The following MYO7A variants were observed in gnomAD, a reference collection of about 807,000 sequenced individuals.
MYO7A encodes myosin VIIA, also known as unconventional myosin-VIIa.
MYO7A carries 210 observed loss-of-function variants against 263.8 expected under a neutral mutation model. That is an observed-to-expected ratio of 0.80 (90% CI 0.71 to 0.89). The LOEUF is 0.89. MYO7A is among the 40% of genes least tolerant of loss of function. MYO7A has a pLI of 0.00. For synonymous variants in MYO7A, 1,239 were observed against 1,197.3 expected, an observed-to-expected ratio of 1.03 and a Z score of -0.72; for missense variants, 2,820 against 2,968.3, an observed-to-expected ratio of 0.95 and a Z score of 1.16.
At position 77,208,832 on chromosome 11, in the gene MYO7A, C is replaced by T. The variant is rs200763257; in HGVS notation, c.6051+29C>T. On this transcript the variant is annotated intron_variant, in intron 44 of 48. Transcript: ENST00000409709. ...GGCACCTCTGCACTCTAGTTGCCTT[C>T]GTGCACAGCTAGCGTTGCTGTACTT... 106 of 1,476,036 alleles carry T rather than the reference C, an allele frequency of 7.2e-5. No individual in the cohort carries two copies. The Middle Eastern group carries it at 1.7e-3, about 24-fold the overall frequency. The allele number at this position is 1,476,036 out of a possible 1,614,324, so 91.4% of individuals were successfully genotyped here. A position where few individuals can be genotyped will look rare whatever the true frequency, so the allele number is the denominator to read the frequency against.
intron 35 of MYO7A, 33 bp from the exon 36 acceptor site, chr11:77,201,415 G>T: frequency 6.3e-7 from 1 of 1,593,884 alleles, no homozygotes; most frequent in Non-Finnish European, 8.6e-7. Context: ...GCCTGTCTCT[G>T]CCCCCATGGT....
chr11:77,211,111 C>T (rs1325345780), intron 44 of MYO7A, 41 bp from the exon 45 acceptor site: 2 of 1,495,024 alleles, frequency 1.3e-6, no homozygotes, highest in Non-Finnish European at 1.8e-6. Context: ...CCCACTTCTG[C>T]CAGGTCCCTG....
In MYO7A at chr11:77,130,662, C is replaced by T. The variant is rs1591165083; in HGVS notation, c.18+10C>T. 6.2e-7 allele frequency: 1 copy of T among 1,613,004 alleles called. No individual in the cohort carries two copies. Among genetic ancestry groups the T allele is most frequent in the East Asian group, 2.2e-5 (1 of 44,858 alleles). On this transcript the variant is annotated intron_variant, in intron 2 of 48. Coordinates refer to ENST00000409709, the MANE Select transcript of MYO7A (RefSeq NM_000260.4). ...GGTGATTCTTCAGCAGGTCAGTGTT[C>T]CCACCTCTTTGGGTGGCCTGTCCTC...
chr11:77,203,497 A>G (rs1957220687), intron 38 of MYO7A, among the ~76,000 whole-genome samples: 1 of 152,182 alleles, frequency 6.6e-6, no homozygotes, highest in East Asian at 1.9e-4. Context: ...ATGGGACCAT[A>G]CACACATCCA....
chr11:77,192,864 GAT>G (rs1956204086), intron 31 of MYO7A, among the ~76,000 whole-genome samples: 1 of 152,180 alleles, frequency 6.6e-6, no homozygotes, highest in Non-Finnish European at 1.5e-5. Context: ...TGTTGGTAAT[GAT>G]GATGGTGGTG....
At chr11:77,145,053 C>T (rs1308956893) in intron 3 of MYO7A, among the ~76,000 whole-genome samples, 1 of 152,174 alleles carries the variant, frequency 6.6e-6, no homozygotes, top group African/African-American at 2.4e-5. Context: ...GGGTGCTGGC[C>T]TCTGTTGGGA....
At chr11:77,183,627 GGT>G (rs1565418136) in intron 26 of MYO7A, among the ~76,000 whole-genome samples, 1 of 152,176 alleles carries the variant, frequency 6.6e-6, no homozygotes, top group Admixed American at 6.5e-5. Flanking sequence ...TGTCCAGGCT[GGT>G]GTGTGTGTGG....
intron 3 of MYO7A, among the ~76,000 whole-genome samples, chr11:77,144,175 A>G (rs1356436986): frequency 2.6e-5 from 4 of 152,212 alleles, no homozygotes; most frequent in African/African-American, 9.7e-5. Context: ...AGATTCTGCT[A>G]ATCACATTTT....
chr11:77,181,204 G>C (rs1555083884), intron 22 of MYO7A, among the ~76,000 whole-genome samples, 176 bp from the exon 23 acceptor site: 1 of 152,222 alleles, frequency 6.6e-6, no homozygotes, highest in Non-Finnish European at 1.5e-5. Flanking sequence ...TTGGCTTGTT[G>C]AGAGGCCTCT....
chr11:77,175,027 T>A, intron 17 of MYO7A, 113 bp downstream of exon 17: 2 of 1,350,630 alleles, frequency 1.5e-6, no homozygotes, highest in Non-Finnish European at 2.0e-6. Flanking sequence ...GCTTGACCTC[T>A]CAGGTGCAGC....
Position 77,156,966 on chromosome 11 carries a change from G to A in MYO7A, c.697G>A (p.Glu233Lys), listed in dbSNP as rs1412400335. 1 of 1,613,790 alleles carries A rather than the reference G, an allele frequency of 6.2e-7. No individual in the cohort carries two copies. Among genetic ancestry groups the A allele is most frequent in the Non-Finnish European group, 8.5e-7 (1 of 1,179,894 alleles). Residue 233 changes from glutamate (E) to lysine (K), a missense_variant, in exon 7 of 49, where the codon GAG (glutamate) becomes AAG (lysine). Transcript: ENST00000409709. ...KRGAIEGAKI[E>K]QYLLEKSRVC... ...GGGCGCCATCGAGGGCGCGAAGATT[G>A]AGCAGTACCTGCTGGAAAAGTCACG...
In MYO7A at chr11:77,147,780, C is replaced by T. The variant is rs782665773; in HGVS notation, c.133-18C>T. 1.9e-6 allele frequency: 3 copies of T among 1,607,454 alleles called. No homozygotes were observed. Among genetic ancestry groups the T allele is most frequent in the South Asian group, 1.1e-5 (1 of 89,290 alleles). Reference sequence around the variant, plus strand: ...CCTGGGCCCCAGGAGAGCACGCTGACGTTCTGGCTCCCCGCAGGAACACTG... The same window carrying T: ...CCTGGGCCCCAGGAGAGCACGCTGATGTTCTGGCTCCCCGCAGGAACACTG... On this transcript the variant is annotated intron_variant, in intron 3 of 48. Coordinates refer to ENST00000409709, the MANE Select transcript of MYO7A (RefSeq NM_000260.4).
In MYO7A at chr11:77,162,163, C is replaced by T; in HGVS notation, c.1387C>T (p.Gln463Ter). 1 of 1,604,318 alleles carries T rather than the reference C, an allele frequency of 6.2e-7. No homozygotes were observed. The highest frequency in any genetic ancestry group is 1.3e-5 in the African/African-American group (1 of 74,892). ...CINFANEHLQ[Q>*]FFVRHVFKLE... ...CAACTTCGCCAATGAGCACCTGCAG[C>T]AGTTCTTTGTGCGGCACGTGTTCAA... The change falls in exon 13 of 49, where the codon CAG becomes TAG. Residue 463 changes from glutamine to a stop codon, truncating the protein, a stop_gained. Transcript: ENST00000409709. LOFTEE classifies it high-confidence loss of function.
Position 77,205,554 on chromosome 11 carries a change from T to C in MYO7A, c.5573T>C (p.Leu1858Pro), listed in dbSNP as rs368657015. ...CTCCTGCCCCACGTGCAGCGCTTCCTGCAGTCCCGAAAGCACTGCCCACTC... is the reference window on the plus strand; with the variant it reads ...CTCCTGCCCCACGTGCAGCGCTTCCCGCAGTCCCGAAAGCACTGCCCACTC... Reference protein sequence around the residue: ...NILLPHVQRFLQSRKHCPLAI... With the variant: ...NILLPHVQRFPQSRKHCPLAI... Residue 1858 changes from leucine to proline, a missense_variant, in exon 40 of 49, where the codon CTG (leucine) becomes CCG (proline). Coordinates refer to ENST00000409709, the MANE Select transcript of MYO7A (RefSeq NM_000260.4). The C allele has an allele frequency of 2.2e-5, 35 of 1,612,340 alleles. No homozygotes were observed. The highest frequency in any genetic ancestry group is 3.0e-5 in the Non-Finnish European group (35 of 1,179,454).
At chr11:77,152,289 C>T (rs1247822667) in intron 4 of MYO7A, among the ~76,000 whole-genome samples, 1 of 152,264 alleles carries the variant, frequency 6.6e-6, no homozygotes, top group African/African-American at 2.4e-5. Context: ...CCACTGGCCA[C>T]ATCCCGACCG....
At chr11:77,155,850 T>A (rs1952409635) in intron 4 of MYO7A, 57 bp from the exon 5 acceptor site, 2 of 1,491,452 alleles carry the variant, frequency 1.3e-6, no homozygotes, top group Admixed American at 4.2e-5. Flanking sequence ...AAGAGCTTTC[T>A]AGAGTCAGAG....
chr11:77,170,023 A>G (rs1232345045), intron 15 of MYO7A, among the ~76,000 whole-genome samples: 1 of 152,224 alleles, frequency 6.6e-6, no homozygotes, highest in East Asian at 1.9e-4. Flanking sequence ...ATGAGCCAAG[A>G]TCGTACCACT....
In MYO7A at chr11:77,179,880, G is replaced by A. The variant is rs1334199217; in HGVS notation, c.2513G>A (p.Trp838Ter). 6.5e-6 allele frequency: 10 copies of A among 1,540,706 alleles called. No individual in the cohort carries two copies. The highest frequency in any genetic ancestry group is 2.7e-5 in the African/African-American group (2 of 73,030). Residue 838 changes from tryptophan to a stop codon, truncating the protein, a stop_gained, in exon 21 of 49, where the codon TGG becomes TAG. Transcript: ENST00000409709. LOFTEE classifies it high-confidence loss of function. ...CGCAAGGCCTTCCGCCACCGCCTCT[G>A]GGCTGTGCTCACCGTGCAGGCCTAT... The part of the protein sequence containing the change: ...LVRKAFRHRL[W>*]AVLTVQAYAR...
intron 39 of MYO7A, 144 bp from the exon 40 acceptor site, chr11:77,205,318 T>C (rs982983596): frequency 3.8e-5 from 37 of 980,536 alleles, no homozygotes; most frequent in Non-Finnish European, 5.3e-5. Flanking sequence ...GGGTGAGGGG[T>C]CCTGAGATAG....
Sources: allele counts gnomAD v4.1 joint callset (sites outside exome capture counted in the v4.1 genomes callset), GRCh38; gene constraint gnomAD v4.1.1; transcripts MANE v1.5; gene names NCBI Gene and HGNC (gene_info 2026-07-23, HGNC 2026-07-21).